Variants in ADCY9 observed in about 807,000 individuals in gnomAD.
ADCY9 encodes the protein adenylate cyclase 9.
In ADCY9, 50 loss-of-function variants were observed where a neutral mutation model predicts 101.5. That is an observed-to-expected ratio of 0.49 (90% confidence interval 0.39 to 0.62). The LOEUF (loss-of-function observed/expected upper bound fraction) is 0.62. ADCY9 is among the 20% of genes least tolerant of loss of function. ADCY9 has a pLI of 0.00. For missense variants in ADCY9, 1,662 were observed against 1,800.4 expected (o/e 0.92, Z 1.39); for synonymous variants, 905 against 769.3 (o/e 1.18, Z -2.92).
At chr16:4,056,778 A>G (rs905767661) in intron 2 of ADCY9, among the ~76,000 whole-genome samples, 16 of 152,190 alleles carry the variant, frequency 1.1e-4, no homozygotes, top group African/African-American at 3.6e-4. Flanking sequence ...TGCTGTTGTT[A>G]TAATTCGGCA....
chr16:4,072,832 G>A (rs1233706055), intron 2 of ADCY9, among the ~76,000 whole-genome samples: 1 of 151,848 alleles, frequency 6.6e-6, no homozygotes, highest in Non-Finnish European at 1.5e-5. Context: ...GGTGACAGTG[G>A]GAATTGGGAA....
At chr16:3,987,389 C>T (rs1214758014) in intron 6 of ADCY9, among the ~76,000 whole-genome samples, 1 of 152,228 alleles carries the variant, frequency 6.6e-6, no homozygotes, top group Non-Finnish European at 1.5e-5. Context: ...CAGTGCAGGG[C>T]GAGAAGCGGC....
In ADCY9 at chr16:3,966,826, T is replaced by C. The variant is rs765800358; in HGVS notation, c.3011A>G (p.Tyr1004Cys). 2.5e-6 allele frequency: 4 copies of C among 1,613,968 alleles called. No individual in the cohort carries two copies. The African/African-American group carries it at 4.0e-5, about 16-fold the overall frequency. Residue 1004 changes from tyrosine (Y) to cysteine (C), a missense_variant, in exon 11 of 11, where the codon TAC becomes TGC. By Grantham distance (194) the Tyr-to-Cys change is radical. Coordinates refer to ENST00000294016, the MANE Select transcript of ADCY9 (RefSeq NM_001116.4). The part of the protein sequence containing the change: ...WFLNREFEVS[Y>C]RLHYHGDVEA... ...CACGTCTCCGTGGTAGTGGAGGCGG[T>C]AGCTGACTTCAAATTCGCGATTCAG...
chr16:4,013,108 T>C lies in ADCY9; in HGVS notation c.1694-5550A>G, dbSNP rs181547359. Among the ~76,000 whole-genome samples the C allele has an allele frequency of 2.4e-4, 36 of 151,898 alleles. 1 individual carries two copies. The highest frequency in any genetic ancestry group is 9.8e-4 in the Admixed American group (15 of 15,234). ...CTCTATAAAAAATTTAAAAATCAGC[T>C]GGGTGTGGTGGCACCTGTGGTCCCA... On this transcript the variant is annotated intron_variant, in intron 2 of 10. Coordinates refer to ENST00000294016, the MANE Select transcript of ADCY9 (RefSeq NM_001116.4).
chr16:4,068,928 T>C (rs976049244), intron 2 of ADCY9, among the ~76,000 whole-genome samples: 1 of 152,158 alleles, frequency 6.6e-6, no homozygotes, highest in African/African-American at 2.4e-5. Flanking sequence ...CAGACCATAA[T>C]TTCCACCTAA....
intron 2 of ADCY9, among the ~76,000 whole-genome samples, chr16:4,111,549 G>A (rs1490425459): frequency 6.6e-6 from 1 of 152,104 alleles, no homozygotes; most frequent in Non-Finnish European, 1.5e-5. Context: ...ATTTAGCTTT[G>A]TAAGGACAGT....
At chr16:4,056,667 G>A (rs1215898371) in intron 2 of ADCY9, among the ~76,000 whole-genome samples, 2 of 152,198 alleles carry the variant, frequency 1.3e-5, no homozygotes, top group African/African-American at 2.4e-5. Context: ...AAAGCAGTGC[G>A]TGATCCGAAG....
At chr16:4,092,458 A>G (rs1188844892) in intron 2 of ADCY9, among the ~76,000 whole-genome samples, 2 of 152,222 alleles carry the variant, frequency 1.3e-5, no homozygotes. Flanking sequence ...TTTAACATTC[A>G]CATTTTAGCT....
chr16:4,021,145 A>C (rs2056473697), intron 2 of ADCY9, among the ~76,000 whole-genome samples: 1 of 152,190 alleles, frequency 6.6e-6, no homozygotes, highest in South Asian at 2.1e-4. Flanking sequence ...CACACACCCA[A>C]GCTCTCTGAT....
intron 2 of ADCY9, among the ~76,000 whole-genome samples, chr16:4,009,599 G>C (rs1421756938): frequency 6.6e-6 from 1 of 152,114 alleles, no homozygotes; most frequent in Non-Finnish European, 1.5e-5. Context: ...GAACTTTTGT[G>C]CATTTTTTTC....
At chr16:4,105,681 A>G (rs1336775608) in intron 2 of ADCY9, among the ~76,000 whole-genome samples, 1 of 150,466 alleles carries the variant, frequency 6.6e-6, no homozygotes, top group African/African-American at 2.4e-5. Context: ...CCGTCTCAAA[A>G]AAAAAAAAAA....
Position 3,977,611 on chromosome 16 carries a change from G to A in ADCY9, c.2699C>T (p.Ser900Leu), listed in dbSNP as rs771344306. Residue 900 changes from serine (S) to leucine (L), a missense_variant, in exon 9 of 11, where the codon TCG becomes TTG. Around this residue, in one of 5 missense-constraint regions of ADCY9, gnomAD observed 624 missense variants for 639.1 expected, o/e 0.98. Transcript: ENST00000294016. ...GTGCACGACGGCAATCAGCGCGGCC[G>A]AGCCTGTGAACACTGGGAACTGCAA... Reference protein sequence around the residue: ...TNIHFPVFTGSAALIAVVHYC... With the variant: ...TNIHFPVFTGLAALIAVVHYC... 2.9e-5 allele frequency: 47 copies of A among 1,612,814 alleles called. No individual in the cohort carries two copies. The highest frequency in any genetic ancestry group is 3.6e-5 in the Non-Finnish European group (42 of 1,179,816).
intron 10 of ADCY9, among the ~76,000 whole-genome samples, chr16:3,967,581 A>G (rs528836394): frequency 6.6e-6 from 1 of 151,326 alleles, no homozygotes; most frequent in African/African-American, 2.4e-5. Flanking sequence ...TTTTGAAGAG[A>G]CAGGGTCTTG....
intron 10 of ADCY9, among the ~76,000 whole-genome samples, chr16:3,970,918 G>A (rs148814224): frequency 7.5e-4 from 114 of 152,252 alleles, no homozygotes; most frequent in African/African-American, 2.0e-3. Flanking sequence ...CTAAGGTTCC[G>A]TGCAGGAAAG....
chr16:4,107,381 T>C (rs890084713), intron 2 of ADCY9, among the ~76,000 whole-genome samples: 3 of 151,658 alleles, frequency 2.0e-5, no homozygotes, highest in Non-Finnish European at 4.4e-5. Context: ...TGAAACCCCA[T>C]CTCTACTAAA....
intron 2 of ADCY9, among the ~76,000 whole-genome samples, chr16:4,097,790 G>A (rs565016503): frequency 1.3e-5 from 2 of 151,572 alleles, no homozygotes; most frequent in Admixed American, 1.3e-4. Context: ...CAGCTGATCT[G>A]CCTGCCTTGG....
chr16:4,052,966 G>C (rs1203465951), intron 2 of ADCY9, among the ~76,000 whole-genome samples: 2 of 152,150 alleles, frequency 1.3e-5, no homozygotes, highest in African/African-American at 4.8e-5. Flanking sequence ...CTTTGTCAGG[G>C]ACTCACAAGA....
chr16:4,027,525 C>T (rs575862208), intron 2 of ADCY9, among the ~76,000 whole-genome samples: 30 of 152,312 alleles, frequency 2.0e-4, no homozygotes, highest in South Asian at 4.1e-4. Flanking sequence ...GAGCAAGTCA[C>T]GTCTTCCATG....
chr16:4,036,851 C>G (rs1293878739), intron 2 of ADCY9, among the ~76,000 whole-genome samples: 2 of 152,038 alleles, frequency 1.3e-5, no homozygotes, highest in Non-Finnish European at 2.9e-5. Flanking sequence ...TTCTACGTTA[C>G]TGCATGATGG....
Sources: gnomAD v4.1 joint callset for allele counts (sites outside exome capture counted in the v4.1 genomes callset) on GRCh38, gnomAD v4.1.1 for gene constraint, gnomAD v4.1.1 regional missense constraint, MANE v1.5 for transcripts, NCBI Gene and HGNC (gene_info 2026-07-23, HGNC 2026-07-21) for gene names.